GABRG2: variants seen among roughly 807,000 people sequenced by gnomAD.
GABRG2 encodes the protein gamma-aminobutyric acid type A receptor subunit gamma2.
Under a neutral mutation model 56.4 loss-of-function variants are expected in GABRG2, and 16 were observed. That is an observed-to-expected ratio of 0.28 (90% CI 0.19 to 0.43). GABRG2 has a LOEUF of 0.43. GABRG2 is among the 20% of genes least tolerant of loss of function. The pLI, the probability that GABRG2 is intolerant of heterozygous loss-of-function variation, is 1.00. For missense variants in GABRG2, 327 were observed against 582.7 expected, an observed-to-expected ratio of 0.56 and a Z score of 4.52; for synonymous variants, 208 against 205.5, an observed-to-expected ratio of 1.01 and a Z score of -0.10.
intron 6 of GABRG2, among the ~76,000 whole-genome samples, chr5:162,107,781 T>C (rs1193740451): frequency 6.6e-6 from 1 of 151,918 alleles, no homozygotes; most frequent in African/African-American, 2.4e-5. Context: ...ACACTCAGAG[T>C]CATGTCTCTG....
chr5:162,092,381 T>A (rs1222641488), intron 1 of GABRG2, among the ~76,000 whole-genome samples: 1 of 152,138 alleles, frequency 6.6e-6, no homozygotes, highest in Non-Finnish European at 1.5e-5. Context: ...TGTTTCCTAG[T>A]CATACAGCTT....
chr5:162,082,057 T>G (rs545991272), intron 1 of GABRG2, among the ~76,000 whole-genome samples: 2 of 152,026 alleles, frequency 1.3e-5, no homozygotes, highest in African/African-American at 4.8e-5. Flanking sequence ...TTTTTCCCCT[T>G]GAGAGTACAT....
chr5:162,107,825 T>G (rs1409746414), intron 6 of GABRG2, among the ~76,000 whole-genome samples: 3 of 152,138 alleles, frequency 2.0e-5, no homozygotes, highest in African/African-American at 7.2e-5. Flanking sequence ...AAGGCACTTA[T>G]GCTTCTGAAA....
chr5:162,102,422 A>G lies in GABRG2; in HGVS notation c.631+1105A>G, dbSNP rs1422826. On this transcript the variant is annotated intron_variant, in intron 5 of 9. Transcript: ENST00000639213. Reference sequence around the variant, plus strand: ...GCCATCAGGTGGCCAGTTGAAAATGATCCTCTGAACCCAAACACAATTTAA... The same window carrying G: ...GCCATCAGGTGGCCAGTTGAAAATGGTCCTCTGAACCCAAACACAATTTAA... 3.7e-3 allele frequency: 1,602 copies of G among 434,080 alleles called. 13 individuals carry two copies. Among genetic ancestry groups the G allele is most frequent in the African/African-American group, 0.029 (1,421 of 49,832 alleles). The allele number at this position is 434,080 out of a possible 1,614,324, so 26.9% of individuals were successfully genotyped here.
chr5:162,117,173 G>A (rs2113459287), intron 6 of GABRG2, among the ~76,000 whole-genome samples: 1 of 152,296 alleles, frequency 6.6e-6, no homozygotes, highest in Non-Finnish European at 1.5e-5. Context: ...GAAAATGATT[G>A]TAGGGTGATG....
chr5:162,153,438 A>G lies in GABRG2; in HGVS notation c.*70A>G. 1 of 1,522,502 alleles carries G rather than the reference A, an allele frequency of 6.6e-7. No homozygotes were observed. The allele number at this position is 1,522,502 out of a possible 1,614,324, so 94.3% of individuals were successfully genotyped here. ...ATGGAGAGATGTCTGTTCTAAGTCC[A>G]CTTAAATAATCCTCTATGTGGTTGA... On this transcript the variant is annotated 3_prime_UTR_variant, in exon 10 of 10. Transcript: ENST00000639213.
At chr5:162,152,729 C>T in intron 9 of GABRG2, 1 of 511,962 alleles carries the variant, frequency 2.0e-6, no homozygotes, top group Non-Finnish European at 3.5e-6. Flanking sequence ...CTCTGTTCCA[C>T]TCACATGCAG....
At chr5:162,149,426 C>A in intron 8 of GABRG2, 113 bp downstream of exon 8, 1 of 952,404 alleles carries the variant, frequency 1.0e-6, no homozygotes. Flanking sequence ...AAGATGAAAA[C>A]AGCATGTATG....
chr5:162,077,072 C>CGTGT (rs1759180696), intron 1 of GABRG2, among the ~76,000 whole-genome samples: 2 of 83,254 alleles, frequency 2.4e-5, no homozygotes, highest in African/African-American at 9.3e-5. Context: ...AACAACTACC[C>CGTGT]CTGTGTGTGT....
chr5:162,133,901 G>A (rs998961045), intron 6 of GABRG2, among the ~76,000 whole-genome samples: 1 of 152,146 alleles, frequency 6.6e-6, no homozygotes, highest in Admixed American at 6.6e-5. Flanking sequence ...GTCTGCTTTT[G>A]TTGAGGCAGA....
Position 162,074,258 on chromosome 5 carries a change from T to C in GABRG2, c.107+6152T>C, listed in dbSNP as rs187094626. 9.4e-4 allele frequency among the ~76,000 whole-genome samples: 143 copies of C among 152,160 alleles called. 4 individuals carry two copies. The highest frequency in any genetic ancestry group is 3.4e-3 in the Middle Eastern group (1 of 294). On this transcript the variant is annotated intron_variant, in intron 1 of 9. Transcript: ENST00000639213. Reference sequence around the variant, plus strand: ...CTATGGCAATAATTCTATATTATTATAAAAATCATTGTATAACTCTGCATA... The same window carrying C: ...CTATGGCAATAATTCTATATTATTACAAAAATCATTGTATAACTCTGCATA...
intron 1 of GABRG2, among the ~76,000 whole-genome samples, chr5:162,090,414 A>G (rs1344636904): frequency 6.6e-6 from 1 of 152,076 alleles, no homozygotes; most frequent in Non-Finnish European, 1.5e-5. Context: ...ATCCTCAAAT[A>G]TTAATATGTA....
At chr5:162,151,584 T>C (rs1170325015) in intron 8 of GABRG2, 146 bp from the exon 9 acceptor site, 1 of 689,220 alleles carries the variant, frequency 1.5e-6, no homozygotes, top group Non-Finnish European at 2.4e-6. Context: ...GAACTCTCCT[T>C]CTGTGTTTAT....
chr5:162,093,895 C>A lies in GABRG2; in HGVS notation c.175C>A (p.Pro59Thr). The A allele has an allele frequency of 6.2e-7, 1 of 1,613,184 alleles. No homozygotes were observed. Among genetic ancestry groups the A allele is most frequent in the Non-Finnish European group, 8.5e-7 (1 of 1,179,488 alleles). ...YASNKTWVLT[P>T]KVPEGDVTVI... is the part of the protein sequence containing the mutation. ...TTCTAACAAAACATGGGTCTTGACT[C>A]CAAAAGTTCCTGAGGGTGATGTCAC... The change falls in exon 2 of 10, where the codon CCA (proline) becomes ACA (threonine). Residue 59 changes from proline (P) to threonine (T), a missense_variant. By Grantham distance (38) the Pro-to-Thr change is conservative. Around this residue, in one of 4 missense-constraint regions of GABRG2, gnomAD observed 73 missense variants for 72.2 expected, o/e 1.01. Transcript: ENST00000639213.
chr5:162,074,093 C>T (rs1758891467), intron 1 of GABRG2, among the ~76,000 whole-genome samples: 1 of 151,646 alleles, frequency 6.6e-6, no homozygotes, highest in Non-Finnish European at 1.5e-5. Context: ...TTCATTTGTC[C>T]CCCATACTAG....
At chr5:162,132,877 AC>A (rs1763855886) in intron 6 of GABRG2, among the ~76,000 whole-genome samples, 1 of 152,034 alleles carries the variant, frequency 6.6e-6, no homozygotes, top group East Asian at 1.9e-4. Flanking sequence ...CTCTATACAA[AC>A]ATTAAGTACA....
At chr5:162,126,335 G>A (rs1043525196) in intron 6 of GABRG2, among the ~76,000 whole-genome samples, 2 of 151,942 alleles carry the variant, frequency 1.3e-5, no homozygotes, top group African/African-American at 4.8e-5. Flanking sequence ...TTATCACAGT[G>A]TGCAATCCAG....
At chr5:162,152,398 T>A in intron 9 of GABRG2, 6 of 443,108 alleles carry the variant, frequency 1.4e-5, no homozygotes, top group South Asian at 1.1e-4. Context: ...AAATATATCA[T>A]TTAGTTGCAT....
At chr5:162,097,903 A>G in intron 4 of GABRG2, 45 bp downstream of exon 4, 4 of 1,510,470 alleles carry the variant, frequency 2.6e-6, no homozygotes, top group Non-Finnish European at 3.7e-6. Flanking sequence ...GGAAGAAAAC[A>G]AACAAACACA....
Sources: allele counts gnomAD v4.1 joint callset (sites outside exome capture counted in the v4.1 genomes callset), GRCh38; gene constraint gnomAD v4.1.1; regional missense constraint gnomAD v4.1.1; transcripts MANE v1.5; gene names NCBI Gene and HGNC (gene_info 2026-07-23, HGNC 2026-07-21).